Variants in OXCT1 observed in about 807,000 individuals in gnomAD.
OXCT1 encodes the protein 3-oxoacid CoA-transferase 1.
A neutral mutation model predicts 69.6 loss-of-function variants in OXCT1; 27 were observed. The ratio of observed to expected loss-of-function variants is 0.39; its 90% CI spans 0.29 to 0.54. The LOEUF is 0.54. Among genes scored for constraint, OXCT1 ranks in the 20% least tolerant of loss-of-function variants. OXCT1 has a pLI of 0.72. For synonymous variants in OXCT1, 202 were observed against 217.8 expected (o/e 0.93, Z 0.64); for missense variants, 437 against 650.2 (o/e 0.67, Z 3.57).
At chr5:41,777,306 C>A (rs1745173555) in intron 13 of OXCT1, among the ~76,000 whole-genome samples, 1 of 152,184 alleles carries the variant, frequency 6.6e-6, no homozygotes. Context: ...ATGCCAGCTA[C>A]TTAGGAGGCT....
intron 14 of OXCT1, among the ~76,000 whole-genome samples, chr5:41,758,899 G>A (rs1744212986): frequency 6.6e-6 from 1 of 152,076 alleles, no homozygotes; most frequent in South Asian, 2.1e-4. Flanking sequence ...CTATGCACAG[G>A]AAGGCTAGGA....
chr5:41,752,505 C>A (rs1344745419), intron 14 of OXCT1, among the ~76,000 whole-genome samples: 1 of 152,016 alleles, frequency 6.6e-6, no homozygotes, highest in Non-Finnish European at 1.5e-5. Context: ...GTAATCCCAG[C>A]ACTTTGGGAA....
At chr5:41,820,779 TG>T (rs1370580324) in intron 7 of OXCT1, among the ~76,000 whole-genome samples, 2 of 152,136 alleles carry the variant, frequency 1.3e-5, no homozygotes, top group Non-Finnish European at 2.9e-5. Flanking sequence ...TCAATCAAGA[TG>T]GCAAGCGTAA....
intron 5 of OXCT1, among the ~76,000 whole-genome samples, chr5:41,846,386 G>A (rs1469983052): frequency 6.9e-6 from 1 of 145,732 alleles, no homozygotes; most frequent in Non-Finnish European, 1.5e-5. Context: ...GCAGTGTTTG[G>A]TTTTTTGTTC....
intron 1 of OXCT1, among the ~76,000 whole-genome samples, chr5:41,865,915 T>C (rs145902178): frequency 2.1e-3 from 326 of 152,012 alleles, no homozygotes; most frequent in African/African-American, 7.5e-3. Flanking sequence ...CAATTTGTCA[T>C]TTATTGGAGT....
intron 14 of OXCT1, among the ~76,000 whole-genome samples, chr5:41,761,498 T>G (rs1182955768): frequency 2.0e-5 from 3 of 152,106 alleles, no homozygotes; most frequent in Non-Finnish European, 2.9e-5. Flanking sequence ...GTAAGCTTCA[T>G]GAGATCAGTA....
At chr5:41,815,477 C>G (rs1747192714) in intron 7 of OXCT1, among the ~76,000 whole-genome samples, 1 of 152,134 alleles carries the variant, frequency 6.6e-6, no homozygotes, top group South Asian at 2.1e-4. Context: ...CTATGCCCAG[C>G]TGCTAACATT....
rs1427974466 is a variant in OXCT1 at position 41,762,229 on chromosome 5, A to G, written c.1249-29T>C. The G allele has an allele frequency of 6.7e-7, 1 of 1,502,126 alleles. No individual in the cohort carries two copies. 93.0% of individuals were successfully genotyped at this position (1,502,126 alleles called of 1,614,324 possible). A position where few individuals can be genotyped will look rare whatever the true frequency, so the allele number is the denominator to read the frequency against. On this transcript the variant is annotated intron_variant, in intron 13 of 16. Coordinates refer to ENST00000196371, the MANE Select transcript of OXCT1 (RefSeq NM_000436.4). The surrounding 1 kb of genome is among the most constrained non-coding windows in gnomAD (Gnocchi z 4.0). The stretch of plus-strand genomic sequence containing the variant: ...CAAAACAAAAAATAAATAGCTCTGT[A>G]TCTTTCACTTCTTTTGTATGTGACA...
intron 4 of OXCT1, 86 bp from the exon 5 acceptor site, chr5:41,850,265 C>G: frequency 1.4e-6 from 2 of 1,451,282 alleles, no homozygotes; most frequent in East Asian, 2.3e-5. Flanking sequence ...TTCCTACTAT[C>G]TAGAGGCTTA....
At chr5:41,799,912 A>G (rs1746348652) in intron 11 of OXCT1, among the ~76,000 whole-genome samples, 1 of 152,182 alleles carries the variant, frequency 6.6e-6, no homozygotes, top group Non-Finnish European at 1.5e-5. Context: ...GTCTTCTGAA[A>G]TTTACACATA....
chr5:41,737,582 T>C (rs1207579961), intron 16 of OXCT1, among the ~76,000 whole-genome samples: 3 of 152,204 alleles, frequency 2.0e-5, no homozygotes, highest in Non-Finnish European at 4.4e-5. Context: ...AGTATAAGCA[T>C]ATCCTTCCCC....
intron 7 of OXCT1, among the ~76,000 whole-genome samples, chr5:41,833,956 C>G (rs116773615): frequency 6.6e-6 from 1 of 150,868 alleles, no homozygotes; most frequent in Non-Finnish European, 1.5e-5. Context: ...CAGCTACTTA[C>G]GAGATCATGC....
chr5:41,772,968 T>C (rs943579859), intron 13 of OXCT1, among the ~76,000 whole-genome samples: 4 of 152,072 alleles, frequency 2.6e-5, no homozygotes, highest in Non-Finnish European at 5.9e-5. Flanking sequence ...GAATGACCCA[T>C]CTCTGGAGGC....
intron 14 of OXCT1, among the ~76,000 whole-genome samples, chr5:41,758,155 G>T (rs1304396436): frequency 1.3e-5 from 2 of 152,016 alleles, no homozygotes; most frequent in Non-Finnish European, 2.9e-5. Flanking sequence ...TATTTATAGT[G>T]CTTGGTGTAC....
chr5:41,812,358 G>A (rs901637134), intron 7 of OXCT1, among the ~76,000 whole-genome samples: 7 of 151,988 alleles, frequency 4.6e-5, no homozygotes, highest in Admixed American at 2.6e-4. Flanking sequence ...GAAAGATGAG[G>A]ATTGCAAAAC....
In OXCT1 at chr5:41,861,322, G is replaced by A. The variant is rs1411742361; in HGVS notation, c.270C>T (p.Asn90=). ...TTAAAATGCACACTTACCCTGCATT[G>A]TTGCTGACTGCAGTTAGTCCTTTTA... is the stretch of plus-strand genomic sequence containing the variant. ...TGVKGLTAVS[N]NAGVDNFGLG... is the part of the protein sequence containing the mutation. The change falls in exon 3 of 17, where the codon AAC becomes AAT. Residue 90 remains asparagine (N), a synonymous_variant. Transcript: ENST00000196371. The A allele has an allele frequency of 6.3e-7, 1 of 1,595,204 alleles. No individual in the cohort carries two copies. Among genetic ancestry groups the A allele is most frequent in the Non-Finnish European group, 8.6e-7 (1 of 1,163,136 alleles).
At position 41,731,783 on chromosome 5, in the gene OXCT1, G is replaced by GA. The variant is rs200971301; in HGVS notation, c.1522-14dup. ...GTTTTGGTGAAACCTGGTAAAAGAG[G>GA]AAAAAAAAATCAAATTATGAAAAAC... On this transcript the variant is annotated splice_polypyrimidine_tract_variant and intron_variant, in intron 16 of 16. Transcript: ENST00000196371. 152 of 1,595,970 alleles carry GA rather than the reference G, an allele frequency of 9.5e-5. 1 individual carries two copies. Among genetic ancestry groups the GA allele is most frequent in the Admixed American group, 1.0e-4 (6 of 58,524 alleles).
At chr5:41,794,522 G>A (rs534110624) in intron 12 of OXCT1, 155 bp downstream of exon 12, 5 of 693,016 alleles carry the variant, frequency 7.2e-6, no homozygotes, top group East Asian at 2.7e-5. Context: ...CCCAACATTC[G>A]ATGTGAATAA....
Position 41,853,567 on chromosome 5 carries a change from T to G in OXCT1, c.279-13A>C, listed in dbSNP as rs892611364. ...AAAATTGTCAACCCTAGAAGGAAAA[T>G]GAAGGGAGCTTACCAAAGAGCATCT... On this transcript the variant is annotated splice_polypyrimidine_tract_variant and intron_variant, in intron 3 of 16. Coordinates refer to ENST00000196371, the MANE Select transcript of OXCT1 (RefSeq NM_000436.4). 1.2e-6 allele frequency: 2 copies of G among 1,613,264 alleles called. No homozygotes were observed. Among genetic ancestry groups the G allele is most frequent in the Admixed American group, 3.3e-5 (2 of 59,980 alleles).
Sources: allele counts gnomAD v4.1 joint callset (sites outside exome capture counted in the v4.1 genomes callset), GRCh38; gene constraint gnomAD v4.1.1; non-coding constraint Gnocchi (gnomAD v3.1); transcripts MANE v1.5; gene names NCBI Gene and HGNC (gene_info 2026-07-23, HGNC 2026-07-21).